FKBP9: variants seen among roughly 807,000 people sequenced by gnomAD.
FKBP9 encodes FKBP prolyl isomerase 9.
FKBP9 carries 27 observed loss-of-function variants against 55.6 expected under a neutral mutation model. The observed-to-expected ratio is 0.49, with a 90% CI of 0.36 to 0.67. The LOEUF (loss-of-function observed/expected upper bound fraction) is 0.67, where lower values mean the gene tolerates loss of function less well. Among genes scored for constraint, FKBP9 ranks in the 30% least tolerant of loss-of-function variants. The pLI is 0.00. For missense variants in FKBP9, 539 were observed against 742.8 expected (o/e 0.73, Z 3.19); for synonymous variants, 267 against 296.5 (o/e 0.90, Z 1.02).
At position 32,974,610 on chromosome 7, in the gene FKBP9, C is replaced by A. The variant is rs766986461; in HGVS notation, c.222-7C>A. On this transcript the variant is annotated splice_polypyrimidine_tract_variant and splice_region_variant and intron_variant, in intron 1 of 9. Coordinates refer to ENST00000242209, the MANE Select transcript of FKBP9 (RefSeq NM_007270.5). ...TCTTTCTCTTTCCCTACCCTTTGGG[C>A]CTTCAGCTATGACAGAGACTCCACT... 18 of 1,611,620 alleles carry A rather than the reference C, an allele frequency of 1.1e-5. No individual in the cohort carries two copies. The highest frequency in any genetic ancestry group is 1.0e-5 in the Non-Finnish European group (12 of 1,178,710).
chr7:32,963,770 C>T, intron 1 of FKBP9: 2 of 1,278,126 alleles, frequency 1.6e-6, no homozygotes, highest in Non-Finnish European at 2.0e-6. Context: ...AAAAAGAGTG[C>T]TCCAATAAGC....
At chr7:32,996,778 CTTTTTTTTTTT>C (rs1170596077) in intron 7 of FKBP9, among the ~76,000 whole-genome samples, 4 of 32,340 alleles carry the variant, frequency 1.2e-4, no homozygotes, top group East Asian at 7.4e-4. Flanking sequence ...AAGTCTCACT[CTTTTTTTTTTT>C]TTTTTTTTTT....
chr7:32,997,861 A>G (rs1784849115), intron 7 of FKBP9, among the ~76,000 whole-genome samples: 1 of 152,130 alleles, frequency 6.6e-6, no homozygotes, highest in Admixed American at 6.6e-5. Context: ...CCCTATGGAT[A>G]TACTCTTCAG....
intron 6 of FKBP9, among the ~76,000 whole-genome samples, chr7:32,995,927 A>G (rs1784775402): frequency 6.6e-6 from 1 of 152,194 alleles, no homozygotes. Context: ...TGTGCTCATT[A>G]CAGGCTGTGA....
intron 4 of FKBP9, among the ~76,000 whole-genome samples, 178 bp downstream of exon 4, chr7:32,976,677 T>A (rs928941746): frequency 2.5e-4 from 38 of 152,214 alleles, no homozygotes; most frequent in African/African-American, 9.2e-4. Flanking sequence ...ATTCAGTTCC[T>A]TGGTCACACT....
chr7:32,981,968 C>G (rs1194358513), intron 5 of FKBP9, among the ~76,000 whole-genome samples: 1 of 151,424 alleles, frequency 6.6e-6, no homozygotes, highest in Non-Finnish European at 1.5e-5. Flanking sequence ...TCTCCCCTAC[C>G]CCTTAGAGTT....
intron 5 of FKBP9, among the ~76,000 whole-genome samples, chr7:32,986,036 A>T (rs1784568032): frequency 6.6e-6 from 1 of 152,194 alleles, no homozygotes; most frequent in Admixed American, 6.5e-5. Flanking sequence ...AGTTTAGGGG[A>T]GGACTGACGA....
In FKBP9 at chr7:32,996,190, T is replaced by G. The variant is rs1583868226; in HGVS notation, c.1067T>G (p.Val356Gly). The change falls in exon 7 of 10, where the codon GTG becomes GGG. Residue 356 changes from valine (V) to glycine (G), a missense_variant. Physicochemically the swap from Val to Gly is moderately radical, Grantham distance 109. Around this residue, in one of 4 missense-constraint regions of FKBP9, gnomAD observed 172 missense variants for 205.3 expected, o/e 0.84. Transcript: ENST00000242209. ...RGNIPGSAVL[V>G]FDIHVIDFHN... The stretch of plus-strand genomic sequence containing the variant: ...AATATCCCCGGCTCGGCTGTGCTGG[T>G]GTTTGACATCCATGTGATCGACTTC... 6.2e-7 allele frequency: 1 copy of G among 1,614,138 alleles called. No homozygotes were observed. The highest frequency in any genetic ancestry group is 8.5e-7 in the Non-Finnish European group (1 of 1,180,018).
intron 1 of FKBP9, among the ~76,000 whole-genome samples, chr7:32,959,528 T>A (rs1783977572): frequency 6.6e-6 from 1 of 152,230 alleles, no homozygotes; most frequent in African/African-American, 2.4e-5. Context: ...CACAGAGTAG[T>A]GCAAACATCA....
At chr7:32,958,986 T>G (rs1014819662) in intron 1 of FKBP9, among the ~76,000 whole-genome samples, 1 of 152,162 alleles carries the variant, frequency 6.6e-6, no homozygotes, top group African/African-American at 2.4e-5. Flanking sequence ...TTACGAATAT[T>G]TTGTAGACTC....
intron 1 of FKBP9, among the ~76,000 whole-genome samples, chr7:32,964,708 A>T (rs1408338195): frequency 6.6e-6 from 1 of 152,166 alleles, no homozygotes; most frequent in Non-Finnish European, 1.5e-5. Context: ...ATGTCTCATT[A>T]GCTACTGGTA....
At chr7:32,977,932 T>G (rs1418148868) in intron 4 of FKBP9, among the ~76,000 whole-genome samples, 2 of 146,252 alleles carry the variant, frequency 1.4e-5, no homozygotes, top group African/African-American at 2.5e-5. Context: ...CACTTTTTTT[T>G]TTTTTTTGAG....
chr7:32,980,419 C>T lies in FKBP9; in HGVS notation c.759C>T (p.Leu253=), dbSNP rs748330524. The change falls in exon 5 of 10, where the codon CTC becomes CTT. Residue 253 remains leucine (L), a synonymous_variant. Transcript: ENST00000242209. ...TGTTTGATGTTGCATTATTGGACCT[C>T]CATAACCCCAAGGACAGCATTTCCA... ...SLVFDVALLD[L]HNPKDSISIE... is the part of the protein sequence containing the mutation. 4 of 1,613,564 alleles carry T rather than the reference C, an allele frequency of 2.5e-6. No homozygotes were observed. Among genetic ancestry groups the T allele is most frequent in the South Asian group, 1.1e-5 (1 of 91,040 alleles).
intron 1 of FKBP9, among the ~76,000 whole-genome samples, chr7:32,971,847 C>A (rs1275595926): frequency 6.6e-6 from 1 of 152,094 alleles, no homozygotes; most frequent in African/African-American, 2.4e-5. Flanking sequence ...AGTATCATAG[C>A]ACCCACCTTG....
At position 32,976,480 on chromosome 7, in the gene FKBP9, C is replaced by G. The variant is rs199654330; in HGVS notation, c.684C>G (p.Ala228=). The G allele has an allele frequency of 3.7e-6, 6 of 1,608,998 alleles. No individual in the cohort carries two copies. The South Asian group carries it at 5.5e-5, about 15-fold the overall frequency. ...TCATCACCATTCCTCCTTTTCTGGC[C>G]TATGGAGAGGATGGAGATGGTAAGT... ...KRIITIPPFL[A]YGEDGDGKDI... is the part of the protein sequence containing the mutation. The change falls in exon 4 of 10, where the codon GCC becomes GCG. Residue 228 remains alanine (A), a synonymous_variant. Coordinates refer to ENST00000242209, the MANE Select transcript of FKBP9 (RefSeq NM_007270.5).
At chr7:32,976,613 G>T in intron 4 of FKBP9, 114 bp downstream of exon 4, 1 of 1,416,280 alleles carries the variant, frequency 7.1e-7, no homozygotes, top group Non-Finnish European at 9.5e-7. Flanking sequence ...GACCTACACT[G>T]GCCAATATGG....
intron 9 of FKBP9, among the ~76,000 whole-genome samples, chr7:33,003,118 C>T (rs1365601592): frequency 6.6e-6 from 1 of 152,206 alleles, no homozygotes; most frequent in Non-Finnish European, 1.5e-5. Flanking sequence ...GTGCTCAATG[C>T]CTGCCTGTAT....
chr7:32,957,597 C>G lies in FKBP9; in HGVS notation c.24C>G (p.Pro8=). The G allele has an allele frequency of 6.8e-7, 1 of 1,474,790 alleles. No homozygotes were observed. The highest frequency in any genetic ancestry group is 8.9e-7 in the Non-Finnish European group (1 of 1,121,954). The allele number at this position is 1,474,790 out of a possible 1,614,324, so 91.4% of individuals were successfully genotyped here. MAFRGWR[P]PPPPLLLLLL... ...CGATGGCGTTCCGGGGCTGGAGGCC[C>G]CCGCCGCCACCGCTGCTCCTGCTGC... is the stretch of plus-strand genomic sequence containing the variant. The change falls in exon 1 of 10, where the codon CCC becomes CCG. Residue 8 remains proline, a synonymous_variant. Transcript: ENST00000242209.
intron 6 of FKBP9, among the ~76,000 whole-genome samples, chr7:32,994,102 A>G: frequency 6.6e-6 from 1 of 152,234 alleles, no homozygotes; most frequent in East Asian, 1.9e-4. Flanking sequence ...TACTATAAAA[A>G]TAATCATGTT....
Sources: gnomAD v4.1 joint callset for allele counts (sites outside exome capture counted in the v4.1 genomes callset) on GRCh38, gnomAD v4.1.1 for gene constraint, gnomAD v4.1.1 regional missense constraint, MANE v1.5 for transcripts, NCBI Gene and HGNC (gene_info 2026-07-23, HGNC 2026-07-21) for gene names.